The following DST variants were observed in gnomAD, a reference collection of about 807,000 sequenced individuals.
DST encodes the protein bullous pemphigoid antigen.
In DST, 253 loss-of-function variants were observed where a neutral mutation model predicts 875.2. The observed-to-expected ratio is 0.29, with a 90% CI of 0.26 to 0.32. The LOEUF is 0.32. Ranked by LOEUF, DST falls within the 10% of genes least tolerant of loss-of-function variation. The probability of loss-of-function intolerance (pLI) is 1.00; values close to 1 mark genes in which losing one functional copy is unlikely to be tolerated. For synonymous variants in DST, 3,124 were observed against 3,197.1 expected, an observed-to-expected ratio of 0.98 and a Z score of 0.77; for missense variants, 8,287 against 9,111.6, an observed-to-expected ratio of 0.91 and a Z score of 3.68.
intron 4 of DST, among the ~76,000 whole-genome samples, chr6:56,814,317 G>A (rs902402991): frequency 6.6e-6 from 1 of 152,134 alleles, no homozygotes; most frequent in Non-Finnish European, 1.5e-5. Flanking sequence ...TATGAAATAT[G>A]ATGCTATTGC....
intron 4 of DST, among the ~76,000 whole-genome samples, chr6:56,816,665 C>T (rs1029365128): frequency 2.0e-5 from 3 of 152,150 alleles, no homozygotes; most frequent in Admixed American, 6.5e-5. Context: ...TCCCCTATCG[C>T]GTGCAGGACT....
At chr6:56,953,875 G>A (rs367760920) in intron 1 of DST, 56 bp from the exon 2 acceptor site, 10 of 1,248,390 alleles carry the variant, frequency 8.0e-6, no homozygotes, top group Admixed American at 2.4e-5. Context: ...TTCACCTACC[G>A]AGTGACTCAT....
chr6:56,504,592 C>G (rs1392467733), intron 77 of DST, among the ~76,000 whole-genome samples: 1 of 152,058 alleles, frequency 6.6e-6, no homozygotes, highest in Non-Finnish European at 1.5e-5. Context: ...AGCATTAAGA[C>G]CATTATTCTG....
chr6:56,621,983 C>T (rs1369775685), intron 36 of DST, among the ~76,000 whole-genome samples: 1 of 152,144 alleles, frequency 6.6e-6, no homozygotes, highest in Non-Finnish European at 1.5e-5. Flanking sequence ...ATAATTCATA[C>T]AGAAACAAAT....
rs200672626 is a variant in DST at position 56,592,354 on chromosome 6, T to C, written c.12731A>G (p.Asn4244Ser). The C allele has an allele frequency of 1.1e-4, 172 of 1,588,776 alleles. 1 individual carries two copies. Among genetic ancestry groups the C allele is most frequent in the South Asian group, 1.9e-4 (17 of 87,496 alleles). The change falls in exon 49 of 104, where the codon AAT becomes AGT. Residue 4244 changes from asparagine to serine, a missense_variant. Asn to Ser is a conservative substitution (Grantham distance 46, BLOSUM62 1). Around this residue, in one of 10 missense-constraint regions of DST, gnomAD observed 1,513 missense variants for 1,677.8 expected, o/e 0.90. Coordinates refer to ENST00000680361, the MANE Select transcript of DST (RefSeq NM_001374736.1). ...ATCTTTAAGATTATTTCCAAGAACA[T>C]TGCACTAACAATCAAAAGAGAAAAG... ...DRFRSLYSKC[N>S]VLGNNLKDLV...
chr6:56,527,834 A>G, intron 67 of DST, 100 bp from the exon 68 acceptor site: 1 of 1,200,606 alleles, frequency 8.3e-7, no homozygotes, highest in Non-Finnish European at 1.1e-6. Flanking sequence ...TCCACAGAAC[A>G]AAAGGAGACA....
At chr6:56,564,370 GTT>G (rs940379037) in intron 55 of DST, among the ~76,000 whole-genome samples, 47 of 151,956 alleles carry the variant, frequency 3.1e-4, no homozygotes, top group African/African-American at 1.1e-3. Flanking sequence ...TGGTTTGGCT[GTT>G]TGTCTATTAT....
At chr6:56,897,305 T>TTTG (rs1491555613) in intron 3 of DST, among the ~76,000 whole-genome samples, 8 of 137,078 alleles carry the variant, frequency 5.8e-5, no homozygotes, top group African/African-American at 2.2e-4. Context: ...GGTTTTTTTT[T>TTTG]GGGGGGGGGG....
At chr6:56,837,937 A>G (rs1425923905) in intron 4 of DST, among the ~76,000 whole-genome samples, 1 of 125,750 alleles carries the variant, frequency 8.0e-6, no homozygotes, top group Non-Finnish European at 1.9e-5. Flanking sequence ...AAAAAAATGA[A>G]TAAGAAGGGG....
rs960395096 is a variant in DST at position 56,687,573 on chromosome 6, C to T, written c.1047+12080G>A. On this transcript the variant is annotated intron_variant, in intron 9 of 103. Transcript: ENST00000680361. Reference sequence around the variant, plus strand: ...GTGCCTGCCCCACAGTGAATGGAGGCGTGTAAGAGGGTATTATATTTCTAA... The same window carrying T: ...GTGCCTGCCCCACAGTGAATGGAGGTGTGTAAGAGGGTATTATATTTCTAA... 2.0e-5 allele frequency among the ~76,000 whole-genome samples: 3 copies of T among 152,004 alleles called. No homozygotes were observed. In the East Asian group the frequency reaches 5.8e-4, roughly 29 times the overall value.
At position 56,640,128 on chromosome 6, in the gene DST, T is replaced by G; in HGVS notation, c.2490+15A>C. 2 of 1,612,476 alleles carry G rather than the reference T, an allele frequency of 1.2e-6. No individual in the cohort carries two copies. The highest frequency in any genetic ancestry group is 1.7e-6 in the Non-Finnish European group (2 of 1,178,568). ...TAAAGACTGAAACACTCAGGTAAAGTAAACATTTTTTTACCTGCATCTCAT... is the reference window on the plus strand; with the variant it reads ...TAAAGACTGAAACACTCAGGTAAAGGAAACATTTTTTTACCTGCATCTCAT... On this transcript the variant is annotated intron_variant, in intron 18 of 103. Coordinates refer to ENST00000680361, the MANE Select transcript of DST (RefSeq NM_001374736.1).
At chr6:56,482,364 T>TAA (rs57229740) in intron 89 of DST, 186 bp from the exon 90 acceptor site, 33 of 703,278 alleles carry the variant, frequency 4.7e-5, no homozygotes, top group Non-Finnish European at 6.0e-5. Context: ...CTTAATATAT[T>TAA]AAAAAAAAAG....
rs75189972 is a variant in DST at position 56,522,438 on chromosome 6, C to T, written c.18129+3923G>A. Among the ~76,000 whole-genome samples, 1,473 of 152,210 alleles carry T rather than the reference C, an allele frequency of 9.7e-3. 25 individuals are homozygous for T. Among genetic ancestry groups the T allele is most frequent in the African/African-American group, 0.033 (1,357 of 41,538 alleles). ...AAGCAAACCTTAACCTCAAGGACAT[C>T]CTTTTCACTCCCTTCCCCTTACTGG... On this transcript the variant is annotated intron_variant, in intron 69 of 103. Transcript: ENST00000680361.
intron 49 of DST, among the ~76,000 whole-genome samples, chr6:56,584,173 T>C (rs1377676902): frequency 1.3e-5 from 2 of 152,106 alleles, no homozygotes; most frequent in Non-Finnish European, 2.9e-5. Flanking sequence ...AATCTATAAA[T>C]TATCTTGGGC....
At position 56,606,209 on chromosome 6, in the gene DST, C is replaced by G. The variant is rs371923734; in HGVS notation, c.8419G>C (p.Asp2807His). The G allele has an allele frequency of 2.2e-5, 34 of 1,573,838 alleles. No homozygotes were observed. In the East Asian group the frequency reaches 4.4e-4, roughly 20 times the overall value. ...YIYDSNDQDD[D>H]DDDGIDEEGG... ...TCTTCATCAATGCCATCATCATCAT[C>G]GTCATCCTGATCATTACTGTCATAT... The change falls in exon 40 of 104, where the codon GAT becomes CAT. Residue 2807 changes from aspartate (D) to histidine (H), a missense_variant. Around this residue, in one of 10 missense-constraint regions of DST, gnomAD observed 3,138 missense variants for 3,116.6 expected, o/e 1.01. Transcript: ENST00000680361.
At chr6:56,626,590 C>T (rs2098737075) in intron 34 of DST, among the ~76,000 whole-genome samples, 1 of 152,134 alleles carries the variant, frequency 6.6e-6, no homozygotes, top group South Asian at 2.1e-4. Context: ...CAACGCATTT[C>T]TCGGAATATA....
At chr6:56,821,465 T>C (rs1591158550) in intron 4 of DST, among the ~76,000 whole-genome samples, 1 of 152,280 alleles carries the variant, frequency 6.6e-6, no homozygotes, top group East Asian at 1.9e-4. Context: ...ACAAGGACTT[T>C]CTCTGGGCAG....
intron 87 of DST, among the ~76,000 whole-genome samples, chr6:56,486,839 A>G (rs1001353664): frequency 2.0e-5 from 3 of 152,202 alleles, no homozygotes; most frequent in African/African-American, 7.2e-5. Context: ...TGGGAAGACG[A>G]GTCAGAAGCA....
At position 56,628,006 on chromosome 6, in the gene DST, T is replaced by A; in HGVS notation, c.4631A>T (p.Gln1544Leu). ...NSKTLATQLNQQKMLVSEIEM... is the reference protein window; with the variant it reads ...NSKTLATQLNLQKMLVSEIEM... ...GGAATTATTTTTACATACCTTCTGT[T>A]GATTCAACTGTGTGGCTAGGGTTTT... The change falls in exon 33 of 104, where the codon CAA becomes CTA. Residue 1544 changes from glutamine to leucine, a missense_variant. By Grantham distance (113) the Gln-to-Leu change is moderately radical (BLOSUM62 -2). Transcript: ENST00000680361. 6.2e-7 allele frequency: 1 copy of A among 1,613,782 alleles called. No homozygotes were observed. The highest frequency in any genetic ancestry group is 8.5e-7 in the Non-Finnish European group (1 of 1,179,730).
Sources: allele counts gnomAD v4.1 joint callset (sites outside exome capture counted in the v4.1 genomes callset), GRCh38; gene constraint gnomAD v4.1.1; regional missense constraint gnomAD v4.1.1; transcripts MANE v1.5; gene names NCBI Gene and HGNC (gene_info 2026-07-23, HGNC 2026-07-21).